The following MYH10 variants were observed in gnomAD, a reference collection of about 807,000 sequenced individuals.
MYH10 encodes the protein myosin heavy chain 10, also known as myosin-10.
In MYH10, 55 loss-of-function variants were observed where a neutral mutation model predicts 257.8. The ratio of observed to expected loss-of-function variants is 0.21; its 90% CI spans 0.17 to 0.27. The LOEUF is 0.27. Ranked by LOEUF, MYH10 falls within the 10% of genes least tolerant of loss-of-function variation. The pLI is 1.00. For missense variants in MYH10, 1,631 were observed against 2,500.6 expected, an observed-to-expected ratio of 0.65 and a Z score of 7.42; for synonymous variants, 854 against 921.7, an observed-to-expected ratio of 0.93 and a Z score of 1.33.
At chr17:8,507,854 C>A (rs2081123808) in intron 26 of MYH10, among the ~76,000 whole-genome samples, 1 of 152,134 alleles carries the variant, frequency 6.6e-6, no homozygotes, top group Admixed American at 6.5e-5. Context: ...TGCCTGTAAT[C>A]CCCGCTACTT....
At position 8,485,871 on chromosome 17, in the gene MYH10, T is replaced by C. The variant is rs1914674250; in HGVS notation, c.5046+1562A>G. Among the ~76,000 whole-genome samples the C allele has an allele frequency of 2.0e-5, 3 of 152,316 alleles. No individual in the cohort carries two copies. The South Asian group carries it at 6.2e-4, about 32-fold the overall frequency. On this transcript the variant is annotated intron_variant, in intron 36 of 42. Transcript: ENST00000360416. ...GAAAGCACATGTCCACACAAATGCA[T>C]ATGAATGTTCATAGAGGCATTATTC...
At chr17:8,481,928 G>A (rs1225748057) in intron 37 of MYH10, among the ~76,000 whole-genome samples, 1 of 152,226 alleles carries the variant, frequency 6.6e-6, no homozygotes, top group Admixed American at 6.5e-5. Context: ...AGGGGCTCAA[G>A]TGTTTGCAGA....
At chr17:8,577,772 T>C (rs1162986486) in intron 4 of MYH10, among the ~76,000 whole-genome samples, 1 of 152,196 alleles carries the variant, frequency 6.6e-6, no homozygotes, top group African/African-American at 2.4e-5. Context: ...CCTCAAGTGA[T>C]CTGCTCACCT....
chr17:8,496,317 C>G (rs74407429), intron 30 of MYH10, among the ~76,000 whole-genome samples: 1 of 152,326 alleles, frequency 6.6e-6, no homozygotes, highest in East Asian at 1.9e-4. Flanking sequence ...GTAACGCTTC[C>G]ATGGTCACTC....
chr17:8,624,243 T>C (rs1246833370), intron 1 of MYH10, among the ~76,000 whole-genome samples: 2 of 152,218 alleles, frequency 1.3e-5, no homozygotes, highest in African/African-American at 4.8e-5. Context: ...CTCCATCACT[T>C]TGTGGCTAAG....
intron 21 of MYH10, among the ~76,000 whole-genome samples, chr17:8,514,687 CGACA>C (rs1279167862): frequency 6.6e-6 from 1 of 151,926 alleles, no homozygotes; most frequent in East Asian, 1.9e-4. Flanking sequence ...GCGGTTCCTT[CGACA>C]GACAACTGAC....
At chr17:8,617,087 C>T (rs2085289499) in intron 2 of MYH10, among the ~76,000 whole-genome samples, 1 of 151,802 alleles carries the variant, frequency 6.6e-6, no homozygotes, top group Admixed American at 6.6e-5. Flanking sequence ...CTTGCCCCAA[C>T]CTCACACCAT....
chr17:8,544,206 A>C (rs930175164), intron 13 of MYH10, among the ~76,000 whole-genome samples: 5 of 152,094 alleles, frequency 3.3e-5, no homozygotes, highest in Non-Finnish European at 7.4e-5. Context: ...ACACTCACTG[A>C]ACAACTTAGC....
intron 2 of MYH10, among the ~76,000 whole-genome samples, chr17:8,611,011 A>AT (rs2085017753): frequency 6.6e-6 from 1 of 152,234 alleles, no homozygotes; most frequent in Non-Finnish European, 1.5e-5. Context: ...TCTTAGATAG[A>AT]TAATAGTTAT....
Position 8,552,229 on chromosome 17 carries a change from T to A in MYH10, c.821-85A>T. 1.8e-6 allele frequency: 1 copy of A among 551,702 alleles called. No individual in the cohort carries two copies. Among genetic ancestry groups the A allele is most frequent in the Non-Finnish European group, 3.0e-6 (1 of 336,272 alleles). 34.2% of individuals were successfully genotyped at this position (551,702 alleles called of 1,614,324 possible). ...CTCTTTCAGCGTCTGTAAATTTAAA[T>A]CATAAAACATCTTCTTTCTCTGATT... is the stretch of plus-strand genomic sequence containing the variant. On this transcript the variant is annotated intron_variant, in intron 8 of 42. Transcript: ENST00000360416. This position sits in a 1 kb window ranked among gnomAD's most constrained non-coding sequence, Gnocchi z 4.8.
chr17:8,572,531 G>A (rs749131437), intron 6 of MYH10, among the ~76,000 whole-genome samples: 1 of 152,094 alleles, frequency 6.6e-6, no homozygotes, highest in African/African-American at 2.4e-5. Context: ...ATCAGCTATC[G>A]TTAGTGTATT....
Position 8,475,169 on chromosome 17 carries a change from G to A in MYH10, c.*635C>T, listed in dbSNP as rs773203557. On this transcript the variant is annotated 3_prime_UTR_variant, in exon 43 of 43. Coordinates refer to ENST00000360416, the MANE Select transcript of MYH10 (RefSeq NM_001256012.3). ...ACATGAGTAGATGCGGGACACCATC[G>A]ACTCGAGGGGCAGGGCCCCCCTTGG... The A allele has an allele frequency of 6.5e-6, 1 of 152,844 alleles. No homozygotes were observed. Among genetic ancestry groups the A allele is most frequent in the Non-Finnish European group, 1.5e-5 (1 of 68,566 alleles). 9.5% of individuals were successfully genotyped at this position (152,844 alleles called of 1,614,324 possible). A position where few individuals can be genotyped will look rare whatever the true frequency, so the allele number is the denominator to read the frequency against.
chr17:8,492,273 T>G, intron 34 of MYH10, 24 bp downstream of exon 34: 1 of 1,606,074 alleles, frequency 6.2e-7, no homozygotes, highest in South Asian at 1.1e-5. Context: ...CGTGCGGAAG[T>G]GTGGAGCCCA....
chr17:8,532,445 C>T (rs1057240390), intron 16 of MYH10, among the ~76,000 whole-genome samples: 5 of 152,148 alleles, frequency 3.3e-5, no homozygotes, highest in African/African-American at 7.2e-5. Flanking sequence ...ATAACTTTCC[C>T]GTATCTCTTA....
rs1346726099 is a variant in MYH10 at position 8,604,935 on chromosome 17, A to G, written c.393T>C (p.Leu131=). The change falls in exon 3 of 43, where the codon CTT becomes CTC. Residue 131 remains leucine, a synonymous_variant. Transcript: ENST00000360416. ...CAATAATATTCTCAGAGTAAATTGG[A>G]AGATTCTTGTAAGGGTTTATAACTA... is the stretch of plus-strand genomic sequence containing the variant. ...FCVVINPYKN[L]PIYSENIIEM... The G allele has an allele frequency of 1.3e-6, 2 of 1,582,052 alleles. No homozygotes were observed. The highest frequency in any genetic ancestry group is 1.7e-5 in the Admixed American group (1 of 59,390).
At chr17:8,541,898 G>C (rs1010214299) in intron 14 of MYH10, among the ~76,000 whole-genome samples, 1 of 152,188 alleles carries the variant, frequency 6.6e-6, no homozygotes. Context: ...GAATCAAGCT[G>C]CGAGGAGAGC....
chr17:8,488,127 G>A (rs766013974), intron 35 of MYH10, among the ~76,000 whole-genome samples: 1 of 152,176 alleles, frequency 6.6e-6, no homozygotes, highest in Non-Finnish European at 1.5e-5. Context: ...ATGAAGGCCT[G>A]CTCTGGAGCA....
At chr17:8,491,013 A>C (rs1249537427) in intron 34 of MYH10, among the ~76,000 whole-genome samples, 2 of 152,254 alleles carry the variant, frequency 1.3e-5, no homozygotes, top group African/African-American at 4.8e-5. Context: ...CCTAAGAAGC[A>C]GGGCACAGTA....
chr17:8,626,608 T>TA (rs1391749860), intron 1 of MYH10, among the ~76,000 whole-genome samples: 1 of 138,854 alleles, frequency 7.2e-6, no homozygotes, highest in African/African-American at 2.6e-5. Flanking sequence ...ATAATAATAA[T>TA]AAGTAAAATA....
Sources: allele counts gnomAD v4.1 joint callset (sites outside exome capture counted in the v4.1 genomes callset), GRCh38; gene constraint gnomAD v4.1.1; non-coding constraint Gnocchi (gnomAD v3.1); transcripts MANE v1.5; gene names NCBI Gene and HGNC (gene_info 2026-07-23, HGNC 2026-07-21).